FBL: variants seen among roughly 807,000 people sequenced by gnomAD.
The protein encoded by FBL is rRNA 2'-O-methyltransferase fibrillarin.
FBL carries 10 observed loss-of-function variants against 42.2 expected under a neutral mutation model. The ratio of observed to expected loss-of-function variants is 0.24; its 90% CI spans 0.15 to 0.40. The LOEUF (loss-of-function observed/expected upper bound fraction) is 0.40, where lower values mean the gene tolerates loss of function less well. FBL is among the 10% of genes least tolerant of loss of function. The pLI, the probability that FBL is intolerant of heterozygous loss-of-function variation, is 1.00. For missense variants in FBL, 351 were observed against 439.2 expected, an observed-to-expected ratio of 0.80 and a Z score of 1.79; for synonymous variants, 165 against 165.4, an observed-to-expected ratio of 1.00 and a Z score of 0.02.
rs1225575335 is a variant in FBL, at chr19:39,840,473, C to T, written c.224G>A (p.Gly75Glu). Residue 75 changes from glycine (G) to glutamate (E), a missense_variant, in exon 3 of 9, where the codon GGA becomes GAA. By Grantham distance (98) the Gly-to-Glu change is moderately conservative. Coordinates refer to ENST00000221801, the MANE Select transcript of FBL (RefSeq NM_001436.4). The surrounding 1 kb of genome is among the most constrained non-coding windows in gnomAD (Gnocchi z 4.5). Reference sequence around the variant, plus strand: ...CCCCGACTGGTTTCCTCTTTTTCCTCCCCGACCACGACCCCGGTTGCCACC... The same window carrying T: ...CCCCGACTGGTTTCCTCTTTTTCCTTCCCGACCACGACCCCGGTTGCCACC... ...HSGGNRGRGRGGKRGNQSGKN... is the reference protein window; with the variant it reads ...HSGGNRGRGREGKRGNQSGKN... 3.1e-6 allele frequency: 5 copies of T among 1,614,034 alleles called. No homozygotes were observed. The highest frequency in any genetic ancestry group is 4.2e-6 in the Non-Finnish European group (5 of 1,180,040).
chr19:39,844,129 G>A (rs2145067563), intron 1 of FBL, among the ~76,000 whole-genome samples: 1 of 152,198 alleles, frequency 6.6e-6, no homozygotes, highest in East Asian at 1.9e-4. Flanking sequence ...TCCCCCTACA[G>A]TCCACTTTCC....
intron 7 of FBL, among the ~76,000 whole-genome samples, chr19:39,835,986 A>G (rs1969038918): frequency 6.6e-6 from 1 of 152,162 alleles, no homozygotes; most frequent in Non-Finnish European, 1.5e-5. Context: ...AGCCTTAAAC[A>G]GTCCTATTTA....
chr19:39,843,755 G>A (rs1405770790), intron 1 of FBL, among the ~76,000 whole-genome samples: 1 of 152,144 alleles, frequency 6.6e-6, no homozygotes, highest in Non-Finnish European at 1.5e-5. Context: ...GTGACAGAGA[G>A]AGATTCTGTA....
chr19:39,841,381 G>A (rs1215360910), intron 1 of FBL, among the ~76,000 whole-genome samples: 2 of 152,172 alleles, frequency 1.3e-5, no homozygotes, highest in South Asian at 2.1e-4. Context: ...AAGAAAAGGA[G>A]CAAGGGAATG....
intron 8 of FBL, 30 bp from the exon 9 acceptor site, chr19:39,834,592 G>C (rs750642462): frequency 5.0e-6 from 8 of 1,613,962 alleles, no homozygotes; most frequent in Non-Finnish European, 6.8e-6. Flanking sequence ...GATGAAGGAG[G>C]GTCCCCAGGA....
chr19:39,839,352 C>A, intron 4 of FBL, 147 bp from the exon 5 acceptor site: 1 of 615,238 alleles, frequency 1.6e-6, no homozygotes, highest in Admixed American at 3.3e-5. Flanking sequence ...CATGCACATG[C>A]AGTCGCTGCC....
chr19:39,839,081 GC>G lies in FBL; in HGVS notation c.502del (p.Ala168LeufsTer19). The G allele has an allele frequency of 6.2e-7, 1 of 1,614,118 alleles. No individual in the cohort carries two copies. The highest frequency in any genetic ancestry group is 8.5e-7 in the Non-Finnish European group (1 of 1,179,984). Reference sequence around the variant, plus strand: ...ATGGGAGACCGTGGTGCCCGAGGCAGCCCCGAGGTAGAGAACCTTAGCCCCC... The same window carrying G: ...ATGGGAGACCGTGGTGCCCGAGGCAGCCCGAGGTAGAGAACCTTAGCCCCC... ...KPGAKVLYLG[A>X]ASGTTVSHVS... On this transcript the variant is annotated frameshift_variant, in exon 5 of 9. Transcript: ENST00000221801. LOFTEE classifies it high-confidence loss of function.
chr19:39,844,368 A>G (rs1330330055), intron 1 of FBL, among the ~76,000 whole-genome samples: 1 of 151,866 alleles, frequency 6.6e-6, no homozygotes, highest in Non-Finnish European at 1.5e-5. Context: ...AAACATCTCA[A>G]TCCGTTTCAG....
At chr19:39,844,431 A>T (rs193295958) in intron 1 of FBL, among the ~76,000 whole-genome samples, 80 of 152,218 alleles carry the variant, frequency 5.3e-4, no homozygotes, top group African/African-American at 1.9e-3. Flanking sequence ...CCTCAGAAAA[A>T]ACACATGTTC....
At chr19:39,835,798 C>T (rs1041855931) in intron 7 of FBL, among the ~76,000 whole-genome samples, 6 of 152,046 alleles carry the variant, frequency 3.9e-5, no homozygotes, top group East Asian at 1.9e-4. Flanking sequence ...TGGTGGCACA[C>T]GCCTGTAGTC....
chr19:39,837,925 A>G, intron 5 of FBL, 82 bp from the exon 6 acceptor site: 1 of 1,174,874 alleles, frequency 8.5e-7, no homozygotes, highest in Non-Finnish European at 1.2e-6. Flanking sequence ...CACTATACAC[A>G]GCATCTCTTC....
intron 1 of FBL, among the ~76,000 whole-genome samples, chr19:39,841,692 T>C (rs1969167245): frequency 1.3e-5 from 2 of 152,166 alleles, no homozygotes; most frequent in Non-Finnish European, 2.9e-5. Context: ...CAGAGGGGAA[T>C]ACAGGATGAT....
At position 39,839,182 on chromosome 19, in the gene FBL, G is replaced by A. The variant is rs2145059878; in HGVS notation, c.402C>T (p.Tyr134=). ...SISEGDDKIE[Y]RAWNPFRSKL... ...TGGAGCGGAAGGGGTTCCAGGCTCG[G>A]TACTCAATTTTGTCATCTCCTTCCT... Residue 134 remains tyrosine (Y), a synonymous_variant, in exon 5 of 9, where the codon TAC becomes TAT. Coordinates refer to ENST00000221801, the MANE Select transcript of FBL (RefSeq NM_001436.4). The A allele has an allele frequency of 6.2e-6, 10 of 1,612,454 alleles. No homozygotes were observed. The highest frequency in any genetic ancestry group is 8.5e-6 in the Non-Finnish European group (10 of 1,179,100).
rs180693274 is a variant in FBL, at chr19:39,845,724, G to A, written c.10+567C>T. On this transcript the variant is annotated intron_variant, in intron 1 of 8. Transcript: ENST00000221801. ...CCCGGGGATCCGCCCCACTGTAAGT[G>A]CAGAAGGCGGGAAAGTGAGCCGAAG... Among the ~76,000 whole-genome samples, 20 of 152,340 alleles carry A rather than the reference G, an allele frequency of 1.3e-4. No individual in the cohort carries two copies. In the East Asian group the frequency reaches 3.9e-3, roughly 29 times the overall value.
chr19:39,839,143 T>C lies in FBL; in HGVS notation c.441A>G (p.Ala147=), dbSNP rs113723814. 6.2e-7 allele frequency: 1 copy of C among 1,614,034 alleles called. No homozygotes were observed. Among genetic ancestry groups the C allele is most frequent in the Non-Finnish European group, 8.5e-7 (1 of 1,179,962 alleles). ...GGATCTGGTCCACACCACCCAGGAT[T>C]GCTGCTGCTAGCTTGGAGCGGAAGG... ...WNPFRSKLAA[A]ILGGVDQIHI... Residue 147 remains alanine, a synonymous_variant, in exon 5 of 9, where the codon GCA becomes GCG. Transcript: ENST00000221801.
intron 1 of FBL, among the ~76,000 whole-genome samples, chr19:39,842,973 C>A (rs1278347791): frequency 6.6e-6 from 1 of 152,170 alleles, no homozygotes; most frequent in Non-Finnish European, 1.5e-5. Context: ...CTGGCTCCTG[C>A]AGACATGTGC....
chr19:39,843,790 T>A (rs1324378541), intron 1 of FBL, among the ~76,000 whole-genome samples: 1 of 151,990 alleles, frequency 6.6e-6, no homozygotes, highest in Non-Finnish European at 1.5e-5. Flanking sequence ...ATAAAAAAAA[T>A]GCAGTGCTCA....
intron 1 of FBL, among the ~76,000 whole-genome samples, chr19:39,842,316 G>C (rs964179727): frequency 6.6e-6 from 1 of 152,148 alleles, no homozygotes; most frequent in African/African-American, 2.4e-5. Context: ...TCAATCTCCT[G>C]ACCTCTTGAT....
intron 1 of FBL, among the ~76,000 whole-genome samples, chr19:39,845,395 C>T (rs1969243777): frequency 6.6e-6 from 1 of 152,078 alleles, no homozygotes; most frequent in African/African-American, 2.4e-5. Context: ...TAACTGGCGC[C>T]ATTTTATTGA....
Sources: allele counts gnomAD v4.1 joint callset (sites outside exome capture counted in the v4.1 genomes callset), GRCh38; gene constraint gnomAD v4.1.1; non-coding constraint Gnocchi (gnomAD v3.1); transcripts MANE v1.5; gene names NCBI Gene and HGNC (gene_info 2026-07-23, HGNC 2026-07-21).